Variants in LCOR observed in about 807,000 individuals in gnomAD.
LCOR encodes the protein ligand-dependent corepressor.
LCOR carries 14 observed loss-of-function variants against 64.4 expected under a neutral mutation model. The ratio of observed to expected loss-of-function variants is 0.22; its 90% CI spans 0.14 to 0.34. The LOEUF (loss-of-function observed/expected upper bound fraction) is 0.34, where lower values mean the gene tolerates loss of function less well. LCOR is among the 10% of genes least tolerant of loss of function. The pLI is 1.00. For missense variants in LCOR, 1,686 were observed against 1,765.3 expected, an observed-to-expected ratio of 0.96 and a Z score of 0.80; for synonymous variants, 643 against 642.5, an observed-to-expected ratio of 1.00 and a Z score of -0.01.
chr10:96,924,132 G>A (rs925328548), intron 4 of LCOR, among the ~76,000 whole-genome samples: 1 of 152,210 alleles, frequency 6.6e-6, no homozygotes, highest in Non-Finnish European at 1.5e-5. Flanking sequence ...GGACGGCTGG[G>A]ATTATGGAGG....
chr10:96,930,918 A>G (rs940328615), intron 4 of LCOR, among the ~76,000 whole-genome samples: 3 of 152,154 alleles, frequency 2.0e-5, no homozygotes, highest in African/African-American at 7.2e-5. Flanking sequence ...GTGAGAAAAT[A>G]AGCTTCTGTT....
chr10:96,886,832 AT>A (rs1846352559), intron 2 of LCOR, among the ~76,000 whole-genome samples: 1 of 152,210 alleles, frequency 6.6e-6, no homozygotes, highest in African/African-American at 2.4e-5. Flanking sequence ...ATTTATTCCT[AT>A]CTTTAAACCA....
intron 2 of LCOR, among the ~76,000 whole-genome samples, chr10:96,872,786 T>C (rs1376165151): frequency 6.6e-6 from 1 of 152,184 alleles, no homozygotes; most frequent in Non-Finnish European, 1.5e-5. Flanking sequence ...CTAACAATAA[T>C]AGCCTTAGTG....
intron 4 of LCOR, among the ~76,000 whole-genome samples, chr10:96,926,039 A>T (rs1202610063): frequency 1.3e-5 from 2 of 152,102 alleles, no homozygotes; most frequent in African/African-American, 4.8e-5. Context: ...GCTTTTTATG[A>T]GCACCTCTTA....
intron 4 of LCOR, among the ~76,000 whole-genome samples, chr10:96,923,808 C>T (rs1374234007): frequency 6.6e-6 from 1 of 152,134 alleles, no homozygotes; most frequent in African/African-American, 2.4e-5. Context: ...TTCTCTTTAT[C>T]AGGGGTCAGC....
intron 2 of LCOR, among the ~76,000 whole-genome samples, chr10:96,833,906 G>A (rs558512461): frequency 1.4e-4 from 21 of 152,248 alleles, no homozygotes; most frequent in African/African-American, 4.8e-4. Flanking sequence ...ATATCTGTTG[G>A]GGGGAAGGGT....
chr10:96,981,214 A>G lies in LCOR; in HGVS notation c.754A>G (p.Thr252Ala), dbSNP rs1848082213. The G allele has an allele frequency of 3.8e-6, 3 of 782,560 alleles. No individual in the cohort carries two copies. Among genetic ancestry groups the G allele is most frequent in the South Asian group, 1.4e-5 (1 of 69,208 alleles). The allele number at this position is 782,560 out of a possible 1,614,324, so 48.5% of individuals were successfully genotyped here. Reference sequence around the variant, plus strand: ...CCAGAAAGATTCCTCTGAACTTCCAACCACTAAATCGAATTCTATTAATAG... The same window carrying G: ...CCAGAAAGATTCCTCTGAACTTCCAGCCACTAAATCGAATTCTATTAATAG... ...VVQKDSSELP[T>A]TKSNSINSSS... Residue 252 changes from threonine to alanine, a missense_variant, in exon 8 of 8, where the codon ACC (threonine) becomes GCC (alanine). Coordinates refer to ENST00000421806, the MANE Select transcript of LCOR (RefSeq NM_001346516.2).
At chr10:96,891,540 T>C (rs1846443502) in intron 2 of LCOR, among the ~76,000 whole-genome samples, 6 of 80,502 alleles carry the variant, frequency 7.5e-5, no homozygotes, top group Non-Finnish European at 1.4e-4. Context: ...CTTTTTTTTT[T>C]TTTTTTTTTT....
At chr10:96,857,147 GTTAT>G (rs1264748679) in intron 2 of LCOR, among the ~76,000 whole-genome samples, 1 of 151,856 alleles carries the variant, frequency 6.6e-6, no homozygotes, top group African/African-American at 2.4e-5. Context: ...TTTAATTGTA[GTTAT>G]TTCTATCTCA....
rs1004599182 is a variant in LCOR at position 96,988,297 on chromosome 10, T to C, written c.*3163T>C. On this transcript the variant is annotated 3_prime_UTR_variant, in exon 8 of 8. Transcript: ENST00000421806. ...TATTCTGCTCCTGAGGCTTCCTTCA[T>C]AGGAATGCTGTCAGTTTCTGTAAGT... The C allele has an allele frequency of 6.6e-6, 1 of 152,246 alleles. No homozygotes were observed. The highest frequency in any genetic ancestry group is 1.5e-5 in the Non-Finnish European group (1 of 68,046). 9.4% of individuals were successfully genotyped at this position (152,246 alleles called of 1,614,324 possible).
At chr10:96,874,282 G>C (rs181688832) in intron 2 of LCOR, among the ~76,000 whole-genome samples, 4 of 152,196 alleles carry the variant, frequency 2.6e-5, no homozygotes, top group East Asian at 1.9e-4. Context: ...TGATTCTTGC[G>C]TAACTGTATT....
At chr10:96,976,099 G>T (rs894473727) in intron 7 of LCOR, among the ~76,000 whole-genome samples, 1 of 152,174 alleles carries the variant, frequency 6.6e-6, no homozygotes, top group Non-Finnish European at 1.5e-5. Flanking sequence ...GTAGTTTTGA[G>T]CTGGCCAGTG....
chr10:96,943,983 GAA>G (rs1847544120), intron 4 of LCOR, 128 bp from the exon 5 acceptor site: 7 of 410,530 alleles, frequency 1.7e-5, no homozygotes, highest in Non-Finnish European at 2.3e-5. Flanking sequence ...AATTTATACT[GAA>G]GTTTTAAAAT....
chr10:96,887,769 C>T (rs1846369139), intron 2 of LCOR, among the ~76,000 whole-genome samples: 1 of 151,204 alleles, frequency 6.6e-6, no homozygotes, highest in African/African-American at 2.4e-5. Flanking sequence ...CAACCTCTGC[C>T]TCCTGGGTTC....
At chr10:96,925,251 T>G (rs1380491205) in intron 4 of LCOR, among the ~76,000 whole-genome samples, 1 of 151,950 alleles carries the variant, frequency 6.6e-6, no homozygotes, top group Non-Finnish European at 1.5e-5. Context: ...AATTTTTGTA[T>G]TTTTAGTAGA....
intron 2 of LCOR, among the ~76,000 whole-genome samples, chr10:96,899,598 CT>C (rs1035926903): frequency 6.6e-6 from 1 of 151,906 alleles, no homozygotes; most frequent in Non-Finnish European, 1.5e-5. Context: ...CTTAATTTAA[CT>C]TCTTAAAACA....
rs1408050915 is a variant in LCOR, at chr10:96,994,375, C to T, written c.*9241C>T. The T allele has an allele frequency of 1.3e-5, 2 of 152,192 alleles. No homozygotes were observed. The highest frequency in any genetic ancestry group is 2.9e-5 in the Non-Finnish European group (2 of 68,036). The allele number at this position is 152,192 out of a possible 1,614,324, so 9.4% of individuals were successfully genotyped here. On this transcript the variant is annotated 3_prime_UTR_variant, in exon 8 of 8. Transcript: ENST00000421806. ...CACTCCTCCATTTCTCCCAGCGTGT[C>T]CAGTTCAGCAGATTTCTAAAGCTGT... is the stretch of plus-strand genomic sequence containing the variant.
chr10:96,966,265 G>C (rs931828914), intron 7 of LCOR, among the ~76,000 whole-genome samples: 6 of 110,464 alleles, frequency 5.4e-5, no homozygotes, highest in African/African-American at 2.2e-4. Context: ...GTCTCGCTGT[G>C]TCTCCCAGGT....
At chr10:96,928,266 T>A (rs1847200996) in intron 4 of LCOR, among the ~76,000 whole-genome samples, 1 of 152,258 alleles carries the variant, frequency 6.6e-6, no homozygotes, top group South Asian at 2.1e-4. Context: ...TCAAACCCCA[T>A]TGCTGCTGTA....
Sources: gnomAD v4.1 joint callset for allele counts (sites outside exome capture counted in the v4.1 genomes callset) on GRCh38, gnomAD v4.1.1 for gene constraint, MANE v1.5 for transcripts, NCBI Gene and HGNC (gene_info 2026-07-23, HGNC 2026-07-21) for gene names.